The following MAGI3 variants were observed in gnomAD, a reference collection of about 807,000 sequenced individuals.
MAGI3 encodes the protein membrane associated guanylate kinase, WW and PDZ domain containing 3.
A neutral mutation model predicts 121.8 loss-of-function variants in MAGI3; 43 were observed. That is an observed-to-expected ratio of 0.35 (90% CI 0.28 to 0.46). MAGI3 has a LOEUF of 0.46. MAGI3 is among the 20% of genes least tolerant of loss of function. The pLI, the probability that MAGI3 is intolerant of heterozygous loss-of-function variation, is 1.00. For missense variants in MAGI3, 1,547 were observed against 1,797.3 expected (o/e 0.86, Z 2.52); for synonymous variants, 553 against 639.3 (o/e 0.86, Z 2.04).
At chr1:113,680,735 C>T (rs964818187) in intron 19 of MAGI3, among the ~76,000 whole-genome samples, 4 of 151,836 alleles carry the variant, frequency 2.6e-5, no homozygotes, top group South Asian at 2.1e-4. Context: ...CCAGCCTGGG[C>T]GACAGAGCAA....
intron 1 of MAGI3, among the ~76,000 whole-genome samples, chr1:113,520,606 CT>C (rs1188468020): frequency 6.6e-6 from 1 of 151,210 alleles, no homozygotes; most frequent in African/African-American, 2.4e-5. Flanking sequence ...TACTTTCTTT[CT>C]TCTTCTTTTT....
At chr1:113,538,804 A>G (rs1456248487) in intron 1 of MAGI3, among the ~76,000 whole-genome samples, 1 of 152,188 alleles carries the variant, frequency 6.6e-6, no homozygotes, top group Admixed American at 6.5e-5. Context: ...AGTTTCAGTT[A>G]AAAGAGAAAT....
At chr1:113,406,073 GC>G (rs1651664267) in intron 1 of MAGI3, among the ~76,000 whole-genome samples, 1 of 151,678 alleles carries the variant, frequency 6.6e-6, no homozygotes, top group African/African-American at 2.4e-5. Context: ...TTAATTTGGT[GC>G]CCTTGTTTTA....
At chr1:113,581,549 T>C (rs1648026264) in intron 3 of MAGI3, among the ~76,000 whole-genome samples, 1 of 152,098 alleles carries the variant, frequency 6.6e-6, no homozygotes, top group Admixed American at 6.6e-5. Flanking sequence ...ATTTCTTCTT[T>C]TGTAGCTGCA....
chr1:113,660,478 C>T (rs986798009), intron 16 of MAGI3, among the ~76,000 whole-genome samples: 3 of 151,990 alleles, frequency 2.0e-5, no homozygotes, highest in East Asian at 3.8e-4. Flanking sequence ...GGCCTTCCCC[C>T]GCAACCGCAA....
intron 2 of MAGI3, among the ~76,000 whole-genome samples, chr1:113,570,447 G>A (rs939895478): frequency 1.3e-5 from 2 of 152,154 alleles, no homozygotes; most frequent in East Asian, 1.9e-4. Flanking sequence ...TCTAGTTCTA[G>A]ATCCTTGAGG....
intron 1 of MAGI3, among the ~76,000 whole-genome samples, chr1:113,508,509 C>T (rs1295978417): frequency 6.6e-6 from 1 of 152,156 alleles, no homozygotes; most frequent in East Asian, 1.9e-4. Context: ...TGTAGTTGAA[C>T]TTGCTTAGGG....
chr1:113,584,540 C>T (rs755277598), intron 3 of MAGI3, among the ~76,000 whole-genome samples: 28 of 152,104 alleles, frequency 1.8e-4, no homozygotes, highest in Non-Finnish European at 3.2e-4. Context: ...TTAAAAATTA[C>T]CCTTACATAA....
At chr1:113,563,861 T>C (rs1660334800) in intron 2 of MAGI3, among the ~76,000 whole-genome samples, 1 of 152,216 alleles carries the variant, frequency 6.6e-6, no homozygotes, top group Admixed American at 6.5e-5. Flanking sequence ...ACTAGCTCTG[T>C]CCTCAGGCAA....
chr1:113,516,838 CAT>C (rs1391501891), intron 1 of MAGI3, among the ~76,000 whole-genome samples: 7 of 151,964 alleles, frequency 4.6e-5, no homozygotes, highest in Non-Finnish European at 8.8e-5. Context: ...AGTGATAAAT[CAT>C]ATTGATAGTG....
At chr1:113,429,599 T>C (rs190081371) in intron 1 of MAGI3, among the ~76,000 whole-genome samples, 1 of 152,186 alleles carries the variant, frequency 6.6e-6, no homozygotes, top group Non-Finnish European at 1.5e-5. Context: ...AGTTACACCC[T>C]ATGCAAACGT....
intron 9 of MAGI3, among the ~76,000 whole-genome samples, chr1:113,640,922 ATTTT>A (rs1652421190): frequency 1.5e-5 from 1 of 65,952 alleles, no homozygotes. Flanking sequence ...TATATGATAT[ATTTT>A]ATATATCATA....
At chr1:113,660,618 T>C (rs1219788408) in intron 16 of MAGI3, among the ~76,000 whole-genome samples, 2 of 16,652 alleles carry the variant, frequency 1.2e-4, no homozygotes, top group Non-Finnish European at 1.3e-4. Context: ...TGCTCAGCAT[T>C]TTTTTTTTTT....
intron 2 of MAGI3, among the ~76,000 whole-genome samples, chr1:113,552,712 G>T (rs943662843): frequency 1.3e-5 from 2 of 152,074 alleles, no homozygotes; most frequent in African/African-American, 4.8e-5. Flanking sequence ...ATTTCACAGG[G>T]TCCAAGCAGC....
chr1:113,416,419 A>T (rs1476407381), intron 1 of MAGI3, among the ~76,000 whole-genome samples: 1 of 13,510 alleles, frequency 7.4e-5, no homozygotes, highest in Non-Finnish European at 1.8e-4. Context: ...ATAATTAATA[A>T]TTAATAATAT....
At chr1:113,656,869 A>T (rs1653502335) in intron 15 of MAGI3, among the ~76,000 whole-genome samples, 1 of 152,166 alleles carries the variant, frequency 6.6e-6, no homozygotes, top group Admixed American at 6.5e-5. Context: ...TAGCATCCTC[A>T]CAATTTGTCT....
rs144565215 is a variant in MAGI3 at position 113,664,166 on chromosome 1, C to A, written c.2815+4901C>A. Among the ~76,000 whole-genome samples, 200 of 152,210 alleles carry A rather than the reference C, an allele frequency of 1.3e-3. 2 individuals are homozygous for A. The highest frequency in any genetic ancestry group is 4.5e-3 in the African/African-American group (186 of 41,538). ...TGTCTTTTTACTTTCTTGATACTAT[C>A]CTTTGATGCACAAAGTTTTAATGCT... On this transcript the variant is annotated intron_variant, in intron 16 of 20. Transcript: ENST00000307546.
chr1:113,405,172 C>T (rs915972196), intron 1 of MAGI3, among the ~76,000 whole-genome samples: 1 of 152,026 alleles, frequency 6.6e-6, no homozygotes, highest in Non-Finnish European at 1.5e-5. Context: ...TCTCCCAACA[C>T]ATTTTACACT....
chr1:113,598,334 T>C (rs1649151702), intron 6 of MAGI3, among the ~76,000 whole-genome samples: 1 of 149,454 alleles, frequency 6.7e-6, no homozygotes, highest in South Asian at 2.1e-4. Context: ...TATATCTCAA[T>C]ATTAATGTTG....
Sources: gnomAD v4.1 joint callset for allele counts (sites outside exome capture counted in the v4.1 genomes callset) on GRCh38, gnomAD v4.1.1 for gene constraint, MANE v1.5 for transcripts, NCBI Gene and HGNC (gene_info 2026-07-23, HGNC 2026-07-21) for gene names.